Variants in PCDHA2 observed in about 807,000 individuals in gnomAD.
PCDHA2 encodes the protein protocadherin alpha 2.
A neutral mutation model predicts 66.0 loss-of-function variants in PCDHA2; 58 were observed. That is an observed-to-expected ratio of 0.88 (90% confidence interval 0.71 to 1.09). PCDHA2 has a LOEUF of 1.09. Among genes scored for constraint, PCDHA2 ranks in the 50% least tolerant of loss-of-function variants. The pLI is 0.00. For missense variants in PCDHA2, 1,267 were observed against 1,242.3 expected (o/e 1.02, Z -0.30); for synonymous variants, 634 against 554.0 (o/e 1.14, Z -2.03).
intron 1 of PCDHA2, chr5:140,882,537 TCGACCGCGAGGAGCTGTGTGGGC>T (rs1554174449): frequency 1.2e-6 from 2 of 1,614,058 alleles, no homozygotes; most frequent in African/African-American, 2.7e-5. Flanking sequence ...AATTCTCGGA[TCGACCGCGAGGAGCTGTGTGGGC>T]GGAGCGCGGA....
At chr5:140,870,015 T>C (rs367677663) in intron 1 of PCDHA2, 5 of 1,613,476 alleles carry the variant, frequency 3.1e-6, no homozygotes, top group Admixed American at 1.7e-5. Context: ...TGAGGGTCAA[T>C]GGAACTTTAG....
intron 1 of PCDHA2, among the ~76,000 whole-genome samples, chr5:140,909,044 T>C (rs538559353): frequency 6.6e-6 from 1 of 152,336 alleles, no homozygotes; most frequent in South Asian, 2.1e-4. Context: ...TTCCATACTC[T>C]GGCATGCAAA....
intron 1 of PCDHA2, chr5:140,926,824 A>T: frequency 1.3e-6 from 2 of 1,496,944 alleles, no homozygotes; most frequent in Non-Finnish European, 1.8e-6. Context: ...GCTCTCCAGG[A>T]GTCCGGAGCA....
intron 1 of PCDHA2, chr5:140,802,452 T>G: frequency 6.2e-7 from 1 of 1,614,192 alleles, no homozygotes; most frequent in Non-Finnish European, 8.5e-7. Flanking sequence ...CGAGAGCGTG[T>G]CGGCCTATGA....
intron 1 of PCDHA2, chr5:140,824,450 T>C (rs1768125809): frequency 2.2e-6 from 1 of 452,052 alleles, no homozygotes; most frequent in African/African-American, 2.0e-5. Context: ...TATGACTACA[T>C]GAAAATTTAT....
intron 1 of PCDHA2, chr5:140,967,740 A>T (rs2096177949): frequency 6.2e-6 from 10 of 1,614,052 alleles, no homozygotes; most frequent in Non-Finnish European, 8.5e-6. Flanking sequence ...GGGCTGGATT[A>T]TGAGGAAGCC....
chr5:140,813,642 T>C (rs1554126262), intron 1 of PCDHA2: 1 of 152,226 alleles, frequency 6.6e-6, no homozygotes, highest in Non-Finnish European at 1.5e-5. Flanking sequence ...GACATTACTG[T>C]GCACTAATGT....
chr5:140,820,301 T>G (rs1554127819), intron 1 of PCDHA2, among the ~76,000 whole-genome samples: 1 of 152,006 alleles, frequency 6.6e-6, no homozygotes, highest in Non-Finnish European at 1.5e-5. Context: ...AACAATTCTA[T>G]GACAATATCT....
chr5:140,934,912 T>C (rs534779508), intron 1 of PCDHA2, among the ~76,000 whole-genome samples: 1 of 152,318 alleles, frequency 6.6e-6, no homozygotes, highest in Admixed American at 6.5e-5. Context: ...GGAATAATTA[T>C]GGATTCACAT....
intron 1 of PCDHA2, chr5:140,825,972 A>G (rs1430190441): frequency 6.6e-6 from 1 of 152,342 alleles, no homozygotes; most frequent in Non-Finnish European, 1.5e-5. Context: ...TTTGAGGGGA[A>G]AAGTATGGAT....
At chr5:140,871,344 G>T in intron 1 of PCDHA2, 1 of 1,614,200 alleles carries the variant, frequency 6.2e-7, no homozygotes, top group Non-Finnish European at 8.5e-7. Context: ...TGGGGAGCTG[G>T]TCATACTCGC....
At chr5:140,800,286 G>A (rs1762535144) in intron 1 of PCDHA2, among the ~76,000 whole-genome samples, 1 of 152,062 alleles carries the variant, frequency 6.6e-6, no homozygotes. Context: ...TCTCTGTAAA[G>A]GACCGACTTC....
At chr5:140,803,079 A>G in intron 1 of PCDHA2, 9 of 1,613,952 alleles carry the variant, frequency 5.6e-6, no homozygotes, top group African/African-American at 1.3e-5. Flanking sequence ...GGGGCTGTAC[A>G]CGGGAGAGAT....
intron 1 of PCDHA2, chr5:140,856,708 A>G: frequency 6.3e-7 from 1 of 1,596,690 alleles, no homozygotes; most frequent in South Asian, 1.1e-5. Context: ...GCAAACCTGA[A>G]TTTACCGGAT....
chr5:140,996,557 T>C (rs1200836194), intron 3 of PCDHA2, among the ~76,000 whole-genome samples: 3 of 152,226 alleles, frequency 2.0e-5, no homozygotes, highest in Admixed American at 6.5e-5. Context: ...GTCACTATCT[T>C]GAAGTTCTTG....
At chr5:140,967,056 G>C in intron 1 of PCDHA2, 1 of 1,612,712 alleles carries the variant, frequency 6.2e-7, no homozygotes, top group Non-Finnish European at 8.5e-7. Flanking sequence ...CTGACGAGTG[G>C]AGCGCTCTTC....
intron 1 of PCDHA2, chr5:140,968,014 A>G: frequency 6.2e-7 from 1 of 1,614,194 alleles, no homozygotes; most frequent in Non-Finnish European, 8.5e-7. Flanking sequence ...ATGGCTTTGG[A>G]AACTCCTATA....
At chr5:140,822,542 G>C (rs2150117132) in intron 1 of PCDHA2, 132 of 1,613,806 alleles carry the variant, frequency 8.2e-5, no homozygotes, top group Middle Eastern at 6.6e-4. Context: ...AATGCACCAA[G>C]TGGGACATTA....
intron 1 of PCDHA2, chr5:140,864,624 A>C (rs2048544669): frequency 6.6e-6 from 1 of 152,110 alleles, no homozygotes; most frequent in African/African-American, 2.4e-5. Flanking sequence ...TTTTTTAAAA[A>C]GAAAACAAAA....
Sources: allele counts gnomAD v4.1 joint callset (sites outside exome capture counted in the v4.1 genomes callset), GRCh38; gene constraint gnomAD v4.1.1; transcripts MANE v1.5; gene names NCBI Gene and HGNC (gene_info 2026-07-23, HGNC 2026-07-21).